AGL: variants seen among roughly 807,000 people sequenced by gnomAD.
AGL encodes the protein glycogen debranching enzyme.
A neutral mutation model predicts 199.3 loss-of-function variants in AGL; 128 were observed. That is an observed-to-expected ratio of 0.64 (90% CI 0.56 to 0.74). AGL has a LOEUF of 0.74. Ranked by LOEUF, AGL falls within the 30% of genes least tolerant of loss-of-function variation. The pLI is 0.00. For missense variants in AGL, 1,809 were observed against 1,820.8 expected, an observed-to-expected ratio of 0.99 and a Z score of 0.12; for synonymous variants, 584 against 594.7, an observed-to-expected ratio of 0.98 and a Z score of 0.26.
intron 26 of AGL, 103 bp downstream of exon 26, chr1:99,900,964 T>C: frequency 9.3e-7 from 1 of 1,079,896 alleles, no homozygotes; most frequent in Non-Finnish European, 1.4e-6. Context: ...ATCCAAATCT[T>C]ACGAATTATT....
intron 20 of AGL, among the ~76,000 whole-genome samples, chr1:99,887,666 A>G (rs1652553952): frequency 6.6e-6 from 1 of 152,170 alleles, no homozygotes; most frequent in African/African-American, 2.4e-5. Flanking sequence ...TAGAAAGGTT[A>G]AAAAAACAGA....
intron 25 of AGL, among the ~76,000 whole-genome samples, chr1:99,899,510 T>TTCTCTCTCTCTC (rs200390058): frequency 1.2e-4 from 9 of 74,626 alleles, no homozygotes; most frequent in South Asian, 9.0e-4. Context: ...TTTGTTTTCT[T>TTCTCTCTCTCTC]TCTCTCTCTC....
intron 2 of AGL, chr1:99,852,433 G>C (rs1649039694): frequency 7.1e-6 from 3 of 421,172 alleles, no homozygotes; most frequent in Admixed American, 3.8e-5. Context: ...GTTGTGGCAT[G>C]ATCATGGCTC....
At chr1:99,858,669 T>C (rs1434825442) in intron 2 of AGL, among the ~76,000 whole-genome samples, 1 of 152,186 alleles carries the variant, frequency 6.6e-6, no homozygotes, top group African/African-American at 2.4e-5. Flanking sequence ...TAAGTAGAAC[T>C]TGAAATCTTT....
intron 11 of AGL, among the ~76,000 whole-genome samples, chr1:99,876,827 A>G (rs182865812): frequency 6.6e-6 from 1 of 152,360 alleles, no homozygotes; most frequent in East Asian, 1.9e-4. Flanking sequence ...CTTCTCAAAC[A>G]GAATAACTTT....
intron 28 of AGL, among the ~76,000 whole-genome samples, chr1:99,911,671 G>T (rs536928122): frequency 6.6e-6 from 1 of 152,178 alleles, no homozygotes; most frequent in East Asian, 1.9e-4. Context: ...TCAAATTTTT[G>T]GCCTTAAATG....
At position 99,884,661 on chromosome 1, in the gene AGL, C is replaced by A; in HGVS notation, c.2639C>A (p.Ala880Asp). 1 of 1,613,998 alleles carries A rather than the reference C, an allele frequency of 6.2e-7. No homozygotes were observed. The highest frequency in any genetic ancestry group is 8.5e-7 in the Non-Finnish European group (1 of 1,179,924). ...CCTCACTTTAAATCTGGCAGCCTAGCTGTTGACAATGCAGATCCTATATTA... is the reference window on the plus strand; with the variant it reads ...CCTCACTTTAAATCTGGCAGCCTAGATGTTGACAATGCAGATCCTATATTA... ...FSPHFKSGSL[A>D]VDNADPILKI... The change falls in exon 20 of 34, where the codon GCT becomes GAT. Residue 880 changes from alanine (A) to aspartate (D), a missense_variant. Physicochemically the swap from Ala to Asp is moderately radical, Grantham distance 126. Transcript: ENST00000361915.
At chr1:99,920,018 A>G (rs1013792764) in intron 33 of AGL, among the ~76,000 whole-genome samples, 1 of 152,232 alleles carries the variant, frequency 6.6e-6, no homozygotes, top group African/African-American at 2.4e-5. Context: ...TTTTTCAGGA[A>G]AGCAAGGGAA....
In AGL at chr1:99,851,107, T is replaced by C; in HGVS notation, c.65T>C (p.Leu22Pro). ...LNEMEKLEKT[L>P]FRLEQGYELQ... ...GAAATGGAGAAACTGGAAAAGACCC[T>C]CTTCAGACTTGAACAAGGTCAGTAG... is the stretch of plus-strand genomic sequence containing the variant. The change falls in exon 2 of 34, where the codon CTC (leucine) becomes CCC (proline). Residue 22 changes from leucine to proline, a missense_variant. Transcript: ENST00000361915. 1.9e-6 allele frequency: 3 copies of C among 1,614,040 alleles called. No homozygotes were observed. Among genetic ancestry groups the C allele is most frequent in the Non-Finnish European group, 2.5e-6 (3 of 1,179,898 alleles).
intron 28 of AGL, 97 bp from the exon 29 acceptor site, chr1:99,912,308 A>G (rs1272259063): frequency 1.0e-5 from 9 of 871,692 alleles, no homozygotes; most frequent in African/African-American, 3.4e-5. Flanking sequence ...TTTTCATAAT[A>G]TGTTATATGA....
At chr1:99,879,193 A>G (rs149147191) in intron 12 of AGL, among the ~76,000 whole-genome samples, 3 of 152,358 alleles carry the variant, frequency 2.0e-5, no homozygotes, top group East Asian at 3.9e-4. Context: ...TGGTCAGACA[A>G]ATCTAATCTT....
intron 26 of AGL, among the ~76,000 whole-genome samples, chr1:99,901,257 T>G (rs941027761): frequency 2.6e-5 from 4 of 151,404 alleles, no homozygotes; most frequent in Middle Eastern, 3.4e-3. Context: ...ACATTAGAGT[T>G]GAAAAGAAGC....
chr1:99,861,283 T>C, intron 2 of AGL: 1 of 1,400,028 alleles, frequency 7.1e-7, no homozygotes, highest in Non-Finnish European at 9.3e-7. Context: ...AAAGAGACAT[T>C]ACAGAGCAGA....
intron 27 of AGL, among the ~76,000 whole-genome samples, chr1:99,906,832 CAT>C (rs1334888680): frequency 3.9e-5 from 6 of 152,156 alleles, no homozygotes; most frequent in Non-Finnish European, 8.8e-5. Context: ...CTGCAGTTAA[CAT>C]GTGTATGCAA....
intron 12 of AGL, among the ~76,000 whole-genome samples, chr1:99,878,206 A>G (rs1023701224): frequency 6.6e-6 from 1 of 152,100 alleles, no homozygotes; most frequent in Non-Finnish European, 1.5e-5. Flanking sequence ...ATTACACATT[A>G]TAGTGGTGTG....
intron 33 of AGL, among the ~76,000 whole-genome samples, chr1:99,919,999 C>A (rs1033775223): frequency 6.6e-6 from 1 of 152,188 alleles, no homozygotes; most frequent in African/African-American, 2.4e-5. Flanking sequence ...CTAATGACTT[C>A]AGGATGAATT....
intron 2 of AGL, chr1:99,852,725 C>T (rs1415791146): frequency 1.3e-6 from 1 of 780,400 alleles, no homozygotes. Flanking sequence ...GTGGTAATTT[C>T]TGTTCTTCTA....
At chr1:99,872,393 A>G (rs1316480657) in intron 7 of AGL, among the ~76,000 whole-genome samples, 1 of 152,242 alleles carries the variant, frequency 6.6e-6, no homozygotes, top group Non-Finnish European at 1.5e-5. Flanking sequence ...TATTGAGTCA[A>G]AGGGTATACA....
chr1:99,912,670 A>G (rs1654835883), intron 29 of AGL, among the ~76,000 whole-genome samples, 153 bp downstream of exon 29: 1 of 152,220 alleles, frequency 6.6e-6, no homozygotes, highest in Non-Finnish European at 1.5e-5. Context: ...TGAAAATTGT[A>G]ACAATTCTAG....
Sources: allele counts gnomAD v4.1 joint callset (sites outside exome capture counted in the v4.1 genomes callset), GRCh38; gene constraint gnomAD v4.1.1; transcripts MANE v1.5; gene names NCBI Gene and HGNC (gene_info 2026-07-23, HGNC 2026-07-21).